GRM8: variants seen among roughly 807,000 people sequenced by gnomAD.
GRM8 encodes metabotropic glutamate receptor 8.
A neutral mutation model predicts 87.2 loss-of-function variants in GRM8; 47 were observed. The ratio of observed to expected loss-of-function variants is 0.54; its 90% CI spans 0.43 to 0.69. GRM8 has a LOEUF of 0.69. Ranked by LOEUF, GRM8 falls within the 30% of genes least tolerant of loss-of-function variation. The pLI is 0.00. For synonymous variants in GRM8, 396 were observed against 404.5 expected (o/e 0.98, Z 0.25); for missense variants, 1,019 against 1,139.2 (o/e 0.89, Z 1.52).
At chr7:126,515,489 G>A (rs1812036150) in intron 9 of GRM8, among the ~76,000 whole-genome samples, 1 of 152,036 alleles carries the variant, frequency 6.6e-6, no homozygotes, top group Admixed American at 6.6e-5. Flanking sequence ...AAAATTACCA[G>A]AAACTCAGCA....
chr7:127,116,692 C>G (rs1482571012), intron 2 of GRM8, among the ~76,000 whole-genome samples: 2 of 152,178 alleles, frequency 1.3e-5, no homozygotes, highest in Non-Finnish European at 2.9e-5. Flanking sequence ...TGAACACCAG[C>G]CACAGATTGC....
At chr7:126,439,424 T>TAACAC (rs764940723) in intron 10 of GRM8, among the ~76,000 whole-genome samples, 2 of 152,216 alleles carry the variant, frequency 1.3e-5, no homozygotes, top group Admixed American at 1.3e-4. Context: ...AGTGAACACA[T>TAACAC]AACACAACAC....
intron 7 of GRM8, among the ~76,000 whole-genome samples, chr7:126,636,128 C>T (rs1801830753): frequency 6.6e-6 from 1 of 152,050 alleles, no homozygotes; most frequent in Non-Finnish European, 1.5e-5. Context: ...ATGCTTTATG[C>T]ATTCTGATTT....
chr7:127,044,428 T>C (rs1818735307), intron 3 of GRM8, among the ~76,000 whole-genome samples: 1 of 152,180 alleles, frequency 6.6e-6, no homozygotes, highest in Admixed American at 6.5e-5. Flanking sequence ...ACATGGGACA[T>C]GAAATTGAGT....
intron 1 of GRM8, among the ~76,000 whole-genome samples, chr7:127,246,632 C>A (rs1287868773): frequency 6.6e-6 from 1 of 152,190 alleles, no homozygotes; most frequent in Non-Finnish European, 1.5e-5. Flanking sequence ...CATCATTGGG[C>A]CCTCCATGGG....
intron 7 of GRM8, among the ~76,000 whole-genome samples, chr7:126,632,077 C>A (rs943241547): frequency 6.6e-6 from 1 of 152,142 alleles, no homozygotes; most frequent in African/African-American, 2.4e-5. Flanking sequence ...ACAAAACTAT[C>A]ATCAGAGCAA....
chr7:126,957,422 G>A (rs1808827919), intron 3 of GRM8, among the ~76,000 whole-genome samples: 1 of 152,162 alleles, frequency 6.6e-6, no homozygotes, highest in Non-Finnish European at 1.5e-5. Flanking sequence ...CCATGCTTCT[G>A]GGCGCAGCTG....
At chr7:126,474,901 G>T (rs1031571548) in intron 9 of GRM8, among the ~76,000 whole-genome samples, 1 of 152,218 alleles carries the variant, frequency 6.6e-6, no homozygotes, top group South Asian at 2.1e-4. Flanking sequence ...CACCTCAATA[G>T]ATGCAGAAAA....
At chr7:126,763,209 T>A (rs937389094) in intron 7 of GRM8, among the ~76,000 whole-genome samples, 3 of 151,806 alleles carry the variant, frequency 2.0e-5, no homozygotes, top group Admixed American at 6.6e-5. Flanking sequence ...TGGCATTTTT[T>A]AAAATAATTT....
chr7:126,885,325 G>A (rs1464081429), intron 6 of GRM8, among the ~76,000 whole-genome samples: 4 of 152,140 alleles, frequency 2.6e-5, no homozygotes, highest in Non-Finnish European at 4.4e-5. Flanking sequence ...AATAAGTCAA[G>A]GTAGAACTGT....
chr7:126,875,550 G>A (rs1288676860), intron 6 of GRM8, among the ~76,000 whole-genome samples: 1 of 152,112 alleles, frequency 6.6e-6, no homozygotes, highest in African/African-American at 2.4e-5. Context: ...TCCCCATCAT[G>A]GCTAAATGTA....
chr7:126,960,128 C>T lies in GRM8; in HGVS notation c.728-55445G>A, dbSNP rs148437831. 1.2e-4 allele frequency among the ~76,000 whole-genome samples: 18 copies of T among 152,006 alleles called. No individual in the cohort carries two copies. In the East Asian group the frequency reaches 2.7e-3, roughly 23 times the overall value. ...CCAGGTAAATCAATGAAAAAGAAAA[C>T]GACACTAATCAATCTTCCAATTTTT... On this transcript the variant is annotated intron_variant, in intron 3 of 10. Coordinates refer to ENST00000339582, the MANE Select transcript of GRM8 (RefSeq NM_000845.3).
In GRM8 at chr7:126,758,280, C is replaced by T. The variant is rs148206172; in HGVS notation, c.1357+11585G>A. On this transcript the variant is annotated intron_variant, in intron 7 of 10. Transcript: ENST00000339582. ...AGGCATCGTGTTAAGTTCTTAAGCACGAATTATCTCATTAAATGCTCACAA... is the reference window on the plus strand; with the variant it reads ...AGGCATCGTGTTAAGTTCTTAAGCATGAATTATCTCATTAAATGCTCACAA... Among the ~76,000 whole-genome samples the T allele has an allele frequency of 1.1e-3, 172 of 152,190 alleles. 1 individual carries two copies. Among genetic ancestry groups the T allele is most frequent in the African/African-American group, 3.9e-3 (163 of 41,520 alleles).
chr7:126,610,040 G>GCACC (rs2151101655), intron 7 of GRM8, among the ~76,000 whole-genome samples: 1 of 152,244 alleles, frequency 6.6e-6, no homozygotes, highest in Non-Finnish European at 1.5e-5. Flanking sequence ...ACCTCTCAAT[G>GCACC]GGTGAGGCAT....
chr7:127,090,174 C>T (rs751759264), intron 3 of GRM8, among the ~76,000 whole-genome samples: 1 of 152,180 alleles, frequency 6.6e-6, no homozygotes, highest in Non-Finnish European at 1.5e-5. Flanking sequence ...CTTCTGCTTC[C>T]ATCTTGACCC....
intron 7 of GRM8, among the ~76,000 whole-genome samples, chr7:126,681,402 G>A (rs576484463): frequency 7.2e-5 from 11 of 152,330 alleles, no homozygotes; most frequent in South Asian, 4.1e-4. Flanking sequence ...GTTGGTGTGC[G>A]TGAGAGCTAA....
chr7:126,956,591 C>A (rs1808711060), intron 3 of GRM8, among the ~76,000 whole-genome samples: 1 of 152,146 alleles, frequency 6.6e-6, no homozygotes, highest in African/African-American at 2.4e-5. Flanking sequence ...CCCATTAACT[C>A]GTCATTTAAC....
chr7:126,902,490 A>G (rs1449787590), intron 6 of GRM8, 52 bp downstream of exon 6: 7 of 1,414,586 alleles, frequency 4.9e-6, no homozygotes, highest in African/African-American at 4.3e-5. Flanking sequence ...TCAAGTAATG[A>G]AAACAAATGA....
intron 7 of GRM8, among the ~76,000 whole-genome samples, chr7:126,736,217 C>T (rs1431136373): frequency 6.6e-6 from 1 of 152,056 alleles, no homozygotes; most frequent in Non-Finnish European, 1.5e-5. Flanking sequence ...TATAACCTAA[C>T]TTAACACATA....
Sources: gnomAD v4.1 joint callset for allele counts (sites outside exome capture counted in the v4.1 genomes callset) on GRCh38, gnomAD v4.1.1 for gene constraint, MANE v1.5 for transcripts, NCBI Gene and HGNC (gene_info 2026-07-23, HGNC 2026-07-21) for gene names.